Variants in TCN2 observed in about 807,000 individuals in gnomAD.
TCN2 encodes transcobalamin-2.
A neutral mutation model predicts 48.6 loss-of-function variants in TCN2; 34 were observed. The observed-to-expected ratio is 0.70, with a 90% CI of 0.53 to 0.93. TCN2 has a LOEUF of 0.93. Ranked by LOEUF, TCN2 falls within the 40% of genes least tolerant of loss-of-function variation. TCN2 has a pLI of 0.00. For missense variants in TCN2, 652 were observed against 526.1 expected, an observed-to-expected ratio of 1.24 and a Z score of -2.34; for synonymous variants, 283 against 212.5, an observed-to-expected ratio of 1.33 and a Z score of -2.89.
At chr22:30,620,233 C>T (rs1458332561) in intron 7 of TCN2, among the ~76,000 whole-genome samples, 3 of 152,026 alleles carry the variant, frequency 2.0e-5, no homozygotes, top group Non-Finnish European at 2.9e-5. Flanking sequence ...GGGCAGATTA[C>T]TTGAGGCCAG....
intron 7 of TCN2, among the ~76,000 whole-genome samples, chr22:30,621,820 C>T (rs1602054004): frequency 6.6e-6 from 1 of 152,096 alleles, no homozygotes; most frequent in African/African-American, 2.4e-5. Context: ...CCCCCAAATT[C>T]TGTGCACCTG....
chr22:30,612,044 C>G (rs1424670129), intron 2 of TCN2, among the ~76,000 whole-genome samples: 1 of 151,584 alleles, frequency 6.6e-6, no homozygotes, highest in Non-Finnish European at 1.5e-5. Context: ...TGAGACCAGC[C>G]TAGGCAACAT....
intron 1 of TCN2, among the ~76,000 whole-genome samples, chr22:30,609,156 C>T (rs1199989830): frequency 1.3e-5 from 2 of 151,302 alleles, no homozygotes; most frequent in Non-Finnish European, 2.9e-5. Context: ...TCTCTTTCTT[C>T]TTCTTTTTTT....
intron 1 of TCN2, among the ~76,000 whole-genome samples, chr22:30,609,913 C>G (rs1020333115): frequency 6.6e-6 from 1 of 152,152 alleles, no homozygotes; most frequent in African/African-American, 2.4e-5. Context: ...TGGAGCTGTT[C>G]TAGGAGCTCT....
Position 30,626,765 on chromosome 22 carries a change from TGCA to T in TCN2, c.*246_*248del, listed in dbSNP as rs1225879933. On this transcript the variant is annotated 3_prime_UTR_variant, in exon 9 of 9. Transcript: ENST00000215838. The stretch of plus-strand genomic sequence containing the variant: ...TGGCCAAGTCTGGCCAGCCTGGCCC[TGCA>T]GGTCTCCCATGAAGGCCACCCCATG... 1.7e-6 allele frequency: 1 copy of T among 594,058 alleles called. No individual in the cohort carries two copies. Among genetic ancestry groups the T allele is most frequent in the Non-Finnish European group, 3.0e-6 (1 of 332,082 alleles). The allele number at this position is 594,058 out of a possible 1,614,324, so 36.8% of individuals were successfully genotyped here.
intron 1 of TCN2, chr22:30,610,170 G>A (rs2087514731): frequency 8.5e-6 from 4 of 469,080 alleles, no homozygotes; most frequent in South Asian, 6.2e-5. Flanking sequence ...CAGGTAAACG[G>A]CTGCAAGCTG....
chr22:30,620,258 C>T (rs561130848), intron 7 of TCN2, among the ~76,000 whole-genome samples: 10 of 152,328 alleles, frequency 6.6e-5, no homozygotes, highest in African/African-American at 2.2e-4. Flanking sequence ...TCAAAACCAG[C>T]CGGGCCAACG....
Position 30,622,824 on chromosome 22 carries a change from C to CTGT in TCN2, c.1107-143_1107-141dup. On this transcript the variant is annotated intron_variant, in intron 7 of 8. Coordinates refer to ENST00000215838, the MANE Select transcript of TCN2 (RefSeq NM_000355.4). ...GGAGGTGGAAGTTGAGATCACAGACCTGTGGCCAGGTGGCCTGGGAAGGGT... is the reference window on the plus strand; with the variant it reads ...GGAGGTGGAAGTTGAGATCACAGACCTGTTGTGGCCAGGTGGCCTGGGAAGGGT... 5 of 800,664 alleles carry CTGT rather than the reference C, an allele frequency of 6.2e-6. No homozygotes were observed. In the South Asian group the frequency reaches 7.2e-5, roughly 12 times the overall value. The allele number at this position is 800,664 out of a possible 1,614,324, so 49.6% of individuals were successfully genotyped here. A position where few individuals can be genotyped will look rare whatever the true frequency, so the allele number is the denominator to read the frequency against.
chr22:30,615,559 T>C (rs1241486126), intron 5 of TCN2, 42 bp from the exon 6 acceptor site: 11 of 1,613,840 alleles, frequency 6.8e-6, no homozygotes, highest in Non-Finnish European at 9.3e-6. Context: ...AGCCCCTCCC[T>C]GCCGGCTGAC....
chr22:30,611,731 C>T (rs1569038946), intron 2 of TCN2, among the ~76,000 whole-genome samples: 2 of 152,240 alleles, frequency 1.3e-5, no homozygotes, highest in South Asian at 2.1e-4. Flanking sequence ...TGGTCTTGAA[C>T]TCCTGACCTC....
chr22:30,615,525 G>C, intron 5 of TCN2, 52 bp downstream of exon 5: 1 of 1,613,932 alleles, frequency 6.2e-7, no homozygotes. Context: ...GTCAGGGGTG[G>C]AGTGGTCAGG....
chr22:30,625,316 G>T (rs2087789697), intron 8 of TCN2, among the ~76,000 whole-genome samples: 2 of 152,122 alleles, frequency 1.3e-5, no homozygotes, highest in Non-Finnish European at 2.9e-5. Context: ...TGTCTGATGG[G>T]GGCCCACTTT....
intron 8 of TCN2, among the ~76,000 whole-genome samples, chr22:30,625,817 A>G (rs755077472): frequency 6.6e-6 from 1 of 152,146 alleles, no homozygotes; most frequent in African/African-American, 2.4e-5. Context: ...TGACCTAATC[A>G]TCTCCCAAAG....
chr22:30,619,973 G>A (rs895913412), intron 7 of TCN2, among the ~76,000 whole-genome samples: 1 of 152,138 alleles, frequency 6.6e-6, no homozygotes, highest in Non-Finnish European at 1.5e-5. Flanking sequence ...GGGCAACATA[G>A]TGAGACTGCC....
chr22:30,623,199 A>C lies in TCN2; in HGVS notation c.1222+116A>C, dbSNP rs188118051. 3.6e-4 allele frequency: 328 copies of C among 914,034 alleles called. 1 individual carries two copies. In the African/African-American group the frequency reaches 5.1e-3, roughly 14 times the overall value. 56.6% of individuals were successfully genotyped at this position (914,034 alleles called of 1,614,324 possible). A position where few individuals can be genotyped will look rare whatever the true frequency, so the allele number is the denominator to read the frequency against. On this transcript the variant is annotated intron_variant, in intron 8 of 8. Transcript: ENST00000215838. The stretch of plus-strand genomic sequence containing the variant: ...ACCCTCCTGGGCCACACCTTCACAA[A>C]ATCACTGATGCTCAAAGTTGGATAT...
Position 30,615,379 on chromosome 22 carries a change from C to T in TCN2, c.659C>T (p.Thr220Ile), listed in dbSNP as rs889494445. 6 of 1,614,082 alleles carry T rather than the reference C, an allele frequency of 3.7e-6. No individual in the cohort carries two copies. The highest frequency in any genetic ancestry group is 1.3e-5 in the African/African-American group (1 of 74,926). ...NFNPGRRQRI[T>I]MAIRTVREEI... is the part of the protein sequence containing the mutation. ...AACCCTGGTCGGAGACAACGGATCA[C>T]CATGGCCATCAGAACAGTGCGAGAG... Residue 220 changes from threonine (T) to isoleucine (I), a missense_variant, in exon 5 of 9, where the codon ACC becomes ATC. Thr to Ile is a moderately conservative substitution (Grantham distance 89, BLOSUM62 -1). Transcript: ENST00000215838.
At chr22:30,624,049 C>CATATGTAT (rs1569047243) in intron 8 of TCN2, among the ~76,000 whole-genome samples, 1 of 34,358 alleles carries the variant, frequency 2.9e-5, no homozygotes, top group African/African-American at 2.5e-4. Flanking sequence ...TATATACACA[C>CATATGTAT]ACACACACAC....
chr22:30,619,590 A>G (rs1268990722), intron 7 of TCN2, among the ~76,000 whole-genome samples: 1 of 152,180 alleles, frequency 6.6e-6, no homozygotes, highest in Non-Finnish European at 1.5e-5. Context: ...TCCAGCCCAG[A>G]GAAGTTGAAT....
intron 8 of TCN2, among the ~76,000 whole-genome samples, chr22:30,624,037 C>CAT (rs1269961548): frequency 0.01 from 439 of 42,950 alleles, 124 homozygotes; most frequent in African/African-American, 0.017. Context: ...TATATGTATA[C>CAT]ATATATACAC....
Sources: allele counts gnomAD v4.1 joint callset (sites outside exome capture counted in the v4.1 genomes callset), GRCh38; gene constraint gnomAD v4.1.1; transcripts MANE v1.5; gene names NCBI Gene and HGNC (gene_info 2026-07-23, HGNC 2026-07-21).